CREB5: variants seen among roughly 807,000 people sequenced by gnomAD.
The protein encoded by CREB5 is cyclic AMP-responsive element-binding protein 5.
In CREB5, 19 loss-of-function variants were observed where a neutral mutation model predicts 57.1. The observed-to-expected ratio is 0.33, with a 90% CI of 0.23 to 0.49. The LOEUF (loss-of-function observed/expected upper bound fraction) is 0.49. Ranked by LOEUF, CREB5 falls within the 20% of genes least tolerant of loss-of-function variation. The probability of loss-of-function intolerance (pLI) is 0.99; values close to 1 mark genes in which losing one functional copy is unlikely to be tolerated. For missense variants in CREB5, 579 were observed against 671.6 expected (o/e 0.86, Z 1.52); for synonymous variants, 238 against 238.3 (o/e 1.00, Z 0.01).
intron 1 of CREB5, among the ~76,000 whole-genome samples, chr7:28,452,429 GAAATA>G (rs1789868407): frequency 6.6e-6 from 1 of 152,036 alleles, no homozygotes; most frequent in African/African-American, 2.4e-5. Context: ...ATATAACAAA[GAAATA>G]AAATAAATGT....
At chr7:28,586,529 T>A (rs1002545015) in intron 5 of CREB5, among the ~76,000 whole-genome samples, 1 of 152,192 alleles carries the variant, frequency 6.6e-6, no homozygotes, top group Non-Finnish European at 1.5e-5. Flanking sequence ...GCATGGCTTA[T>A]TCTATTCTTT....
At chr7:28,728,112 T>A (rs1803425950) in intron 7 of CREB5, among the ~76,000 whole-genome samples, 1 of 152,160 alleles carries the variant, frequency 6.6e-6, no homozygotes, top group African/African-American at 2.4e-5. Flanking sequence ...TAGATTTTTT[T>A]ATATTTTTGT....
chr7:28,560,919 T>TGCGCGTGC (rs1562797827), intron 4 of CREB5, among the ~76,000 whole-genome samples: 1 of 42,990 alleles, frequency 2.3e-5, no homozygotes, highest in Admixed American at 2.1e-4. Flanking sequence ...CGTGTGCGTG[T>TGCGCGTGC]GTGCGCGTGC....
At chr7:28,479,472 C>T (rs538453686) in intron 1 of CREB5, among the ~76,000 whole-genome samples, 3 of 152,296 alleles carry the variant, frequency 2.0e-5, no homozygotes, top group South Asian at 2.1e-4. Context: ...GAACCTTGTT[C>T]GAATGATGAG....
At chr7:28,657,735 A>AAAAAT (rs1799390634) in intron 5 of CREB5, among the ~76,000 whole-genome samples, 1 of 151,138 alleles carries the variant, frequency 6.6e-6, no homozygotes. Flanking sequence ...AAAAAAAAAA[A>AAAAAT]AAAGAATAAA....
chr7:28,431,140 T>A (rs1788695011), intron 1 of CREB5, among the ~76,000 whole-genome samples: 2 of 152,212 alleles, frequency 1.3e-5, no homozygotes. Flanking sequence ...GTCTCAGACT[T>A]TCTTTGGGTT....
At chr7:28,740,128 G>A (rs1247973998) in intron 7 of CREB5, among the ~76,000 whole-genome samples, 1 of 152,148 alleles carries the variant, frequency 6.6e-6, no homozygotes, top group Non-Finnish European at 1.5e-5. Flanking sequence ...GGAAACTGGA[G>A]ACATGTGAAA....
At chr7:28,412,196 C>T (rs998391917), upstream of CREB5, among the ~76,000 whole-genome samples, 1 of 152,214 alleles carries the variant, frequency 6.6e-6, no homozygotes, top group Non-Finnish European at 1.5e-5. Flanking sequence ...GCTCTATTAA[C>T]AGAAAGCCCT....
chr7:28,309,342 G>A (rs534593621), intron 1 of CREB5, among the ~76,000 whole-genome samples: 4 of 152,234 alleles, frequency 2.6e-5, no homozygotes, highest in African/African-American at 7.2e-5. Flanking sequence ...TGAAATTAAC[G>A]CACCTAGAAC....
chr7:28,308,554 C>T (rs1186208609), intron 1 of CREB5, among the ~76,000 whole-genome samples: 1 of 152,170 alleles, frequency 6.6e-6, no homozygotes, highest in African/African-American at 2.4e-5. Context: ...TAGACCTGGA[C>T]TCAAACCCAG....
At chr7:28,724,360 A>G (rs1170730958) in intron 7 of CREB5, 28 bp downstream of exon 7, 1 of 1,567,650 alleles carries the variant, frequency 6.4e-7, no homozygotes, top group Non-Finnish European at 8.8e-7. Flanking sequence ...TCACCCTTTC[A>G]TTATTCTGTG....
intron 7 of CREB5, among the ~76,000 whole-genome samples, chr7:28,744,185 A>C (rs1804559959): frequency 6.7e-6 from 1 of 149,256 alleles, no homozygotes; most frequent in African/African-American, 2.5e-5. Flanking sequence ...TGAACTCATC[A>C]TTTTTTATGG....
chr7:28,481,811 G>A (rs949329263), intron 1 of CREB5, among the ~76,000 whole-genome samples: 1 of 152,118 alleles, frequency 6.6e-6, no homozygotes, highest in Non-Finnish European at 1.5e-5. Flanking sequence ...CACACAAAGA[G>A]AGGAGAGAAA....
intron 1 of CREB5, among the ~76,000 whole-genome samples, chr7:28,379,286 A>G (rs565893964): frequency 6.6e-6 from 1 of 152,348 alleles, no homozygotes; most frequent in Admixed American, 6.5e-5. Flanking sequence ...TACAGACGCT[A>G]TCTACTACAC....
At chr7:28,817,072 A>G (rs886750) in intron 9 of CREB5, among the ~76,000 whole-genome samples, 105,446 of 152,096 alleles carry the variant, frequency 0.69, 36,914 homozygotes, top group Non-Finnish European at 0.73. Flanking sequence ...CAGATAAAGT[A>G]GAGATCCGAG....
intron 5 of CREB5, among the ~76,000 whole-genome samples, chr7:28,685,658 G>A (rs574756901): frequency 6.6e-6 from 1 of 150,822 alleles, no homozygotes; most frequent in Admixed American, 6.6e-5. Flanking sequence ...TCCAAACACA[G>A]GGCACTCTTT....
At chr7:28,371,652 A>C (rs982999068) in intron 1 of CREB5, among the ~76,000 whole-genome samples, 2 of 152,160 alleles carry the variant, frequency 1.3e-5, no homozygotes, top group Admixed American at 6.5e-5. Flanking sequence ...CTGCTTCTAC[A>C]TCCAGGACGG....
intron 5 of CREB5, among the ~76,000 whole-genome samples, chr7:28,637,348 C>T (rs925532698): frequency 2.2e-4 from 34 of 152,126 alleles, no homozygotes; most frequent in Admixed American, 1.5e-3. Flanking sequence ...TTGCTGGACT[C>T]TCTTTTGGGG....
At chr7:28,659,941 A>C (rs1247401728) in intron 5 of CREB5, among the ~76,000 whole-genome samples, 1 of 152,202 alleles carries the variant, frequency 6.6e-6, no homozygotes, top group East Asian at 1.9e-4. Flanking sequence ...AGTAGAGAAA[A>C]GTTAAAGGAA....
Sources: gnomAD v4.1 joint callset for allele counts (sites outside exome capture counted in the v4.1 genomes callset) on GRCh38, gnomAD v4.1.1 for gene constraint, MANE v1.5 for transcripts, NCBI Gene and HGNC (gene_info 2026-07-23, HGNC 2026-07-21) for gene names.